The following METTL8 variants were observed in gnomAD, a reference collection of about 807,000 sequenced individuals.
METTL8 encodes methyltransferase 8, tRNA N3-cytidine.
In METTL8, 32 loss-of-function variants were observed where a neutral mutation model predicts 48.7. That is an observed-to-expected ratio of 0.66 (90% CI 0.50 to 0.88). The LOEUF (loss-of-function observed/expected upper bound fraction) is 0.88. Among genes scored for constraint, METTL8 ranks in the 40% least tolerant of loss-of-function variants. METTL8 has a pLI of 0.00. For missense variants in METTL8, 464 were observed against 474.4 expected, an observed-to-expected ratio of 0.98 and a Z score of 0.20; for synonymous variants, 136 against 157.1, an observed-to-expected ratio of 0.87 and a Z score of 1.01.
intron 1 of METTL8, among the ~76,000 whole-genome samples, chr2:171,401,945 C>A (rs966704558): frequency 9.9e-5 from 15 of 152,092 alleles, no homozygotes; most frequent in African/African-American, 3.6e-4. Flanking sequence ...ATTTCAGAGA[C>A]AAATCCATTT....
intron 3 of METTL8, among the ~76,000 whole-genome samples, chr2:171,350,194 T>C (rs1454426540): frequency 6.6e-6 from 1 of 152,198 alleles, no homozygotes; most frequent in Admixed American, 6.5e-5. Flanking sequence ...TTCCCACCTA[T>C]GAGTGAGAAT....
At chr2:171,393,431 CTTATACCCT>C (rs1688774985) in intron 1 of METTL8, among the ~76,000 whole-genome samples, 1 of 132,720 alleles carries the variant, frequency 7.5e-6, no homozygotes, top group African/African-American at 2.8e-5. Flanking sequence ...AAAAAGCATG[CTTATACCCT>C]AGCTCAAGAG....
chr2:171,434,303 C>G (rs1000628753), upstream of METTL8: 4 of 613,074 alleles, frequency 6.5e-6, no homozygotes, highest in Non-Finnish European at 1.2e-5. Context: ...CCGCGCGGTA[C>G]CGGAGCGTCG....
intron 1 of METTL8, among the ~76,000 whole-genome samples, chr2:171,407,932 CAT>C (rs1690354297): frequency 6.6e-6 from 1 of 152,224 alleles, no homozygotes; most frequent in Non-Finnish European, 1.5e-5. Context: ...TGGGAAGACA[CAT>C]AGCACACAAC....
In METTL8 at chr2:171,327,870, C is replaced by T. The variant is rs141882890; in HGVS notation, c.861-1722G>A. On this transcript the variant is annotated intron_variant, in intron 7 of 9. Transcript: ENST00000375258. ...ATTCACTTTCAATATAAATATTTTACGTACATAGCAAAATCTTTCTGTAAT... is the reference window on the plus strand; with the variant it reads ...ATTCACTTTCAATATAAATATTTTATGTACATAGCAAAATCTTTCTGTAAT... Among the ~76,000 whole-genome samples, 1,348 of 152,212 alleles carry T rather than the reference C, an allele frequency of 8.9e-3. 16 individuals are homozygous for T. Among genetic ancestry groups the T allele is most frequent in the East Asian group, 0.028 (147 of 5,194 alleles).
At chr2:171,434,299 G>A (rs1263667424), upstream of METTL8, 2 of 602,260 alleles carry the variant, frequency 3.3e-6, no homozygotes, top group East Asian at 7.4e-5. Context: ...CCGGCCGCGC[G>A]GTACCGGAGC....
intron 1 of METTL8, among the ~76,000 whole-genome samples, chr2:171,401,860 A>G (rs1277952459): frequency 6.6e-6 from 1 of 152,182 alleles, no homozygotes; most frequent in Non-Finnish European, 1.5e-5. Flanking sequence ...GCTAGGTGAA[A>G]AAAGTAAATC....
chr2:171,328,978 A>G (rs540274098), intron 7 of METTL8, among the ~76,000 whole-genome samples: 135 of 130,278 alleles, frequency 1.0e-3, no homozygotes, highest in Non-Finnish European at 1.8e-3. Flanking sequence ...CGTGAGCCAC[A>G]GCGCCCAGCC....
chr2:171,397,701 CA>C (rs894164384), intron 1 of METTL8, among the ~76,000 whole-genome samples: 1 of 151,808 alleles, frequency 6.6e-6, no homozygotes, highest in African/African-American at 2.4e-5. Context: ...ACATGTGTTT[CA>C]CAAAACACAA....
At position 171,321,437 on chromosome 2, in the gene METTL8, A is replaced by C. The variant is rs1213586204; in HGVS notation, c.*2735T>G. The C allele has an allele frequency of 6.6e-6, 1 of 152,172 alleles. No individual in the cohort carries two copies. Among genetic ancestry groups the C allele is most frequent in the Non-Finnish European group, 1.5e-5 (1 of 68,064 alleles). 9.4% of individuals were successfully genotyped at this position (152,172 alleles called of 1,614,324 possible). On this transcript the variant is annotated 3_prime_UTR_variant, in exon 10 of 10. Coordinates refer to ENST00000375258, the MANE Select transcript of METTL8 (RefSeq NM_001321154.2). ...TGGCTAATTTTTGTATTTTTGGTAG[A>C]GATAGGGTTTTTCCCATGTTGCCCA... is the stretch of plus-strand genomic sequence containing the variant.
intron 1 of METTL8, among the ~76,000 whole-genome samples, 180 bp from the exon 2 acceptor site, chr2:171,392,377 G>A (rs1688657824): frequency 6.6e-6 from 1 of 152,196 alleles, no homozygotes; most frequent in African/African-American, 2.4e-5. Flanking sequence ...CAAGAGATGG[G>A]AGAGAAATAT....
intron 1 of METTL8, among the ~76,000 whole-genome samples, chr2:171,406,951 C>A (rs1171504948): frequency 1.3e-5 from 2 of 151,868 alleles, no homozygotes; most frequent in Non-Finnish European, 2.9e-5. Context: ...CAAAAGTAAC[C>A]TAACTGATAG....
chr2:171,381,277 A>C (rs1687509022), intron 2 of METTL8, among the ~76,000 whole-genome samples: 1 of 152,274 alleles, frequency 6.6e-6, no homozygotes, highest in South Asian at 2.1e-4. Flanking sequence ...TAAGACTTAA[A>C]TGTAAAACCA....
intron 1 of METTL8, among the ~76,000 whole-genome samples, chr2:171,394,234 A>AG (rs775388421): frequency 1.1e-4 from 16 of 152,332 alleles, no homozygotes; most frequent in Non-Finnish European, 1.5e-4. Context: ...TGTATGCTGA[A>AG]GAGTAGAAAT....
intron 3 of METTL8, among the ~76,000 whole-genome samples, chr2:171,355,363 G>T (rs1684414483): frequency 6.6e-6 from 1 of 151,812 alleles, no homozygotes; most frequent in African/African-American, 2.4e-5. Context: ...TCCGTATGAG[G>T]TGTCAGTCAG....
At chr2:171,324,758 G>C (rs956070723) in intron 9 of METTL8, among the ~76,000 whole-genome samples, 1 of 152,144 alleles carries the variant, frequency 6.6e-6, no homozygotes, top group Non-Finnish European at 1.5e-5. Flanking sequence ...TGTTAGAAAT[G>C]CATTTTTAAA....
intron 3 of METTL8, among the ~76,000 whole-genome samples, chr2:171,347,072 G>A (rs930307622): frequency 6.6e-6 from 1 of 152,216 alleles, no homozygotes; most frequent in African/African-American, 2.4e-5. Context: ...GTGGTCCCCT[G>A]ACAGGTATAA....
chr2:171,325,377 C>T (rs1684845195), intron 9 of METTL8, among the ~76,000 whole-genome samples: 1 of 152,138 alleles, frequency 6.6e-6, no homozygotes. Flanking sequence ...TTTGTAGAGA[C>T]AGAGTCTCAT....
chr2:171,414,953 C>G (rs926956855), intron 1 of METTL8, among the ~76,000 whole-genome samples: 1 of 151,906 alleles, frequency 6.6e-6, no homozygotes, highest in Admixed American at 6.6e-5. Flanking sequence ...AAGGGGAAAC[C>G]CCTTTCACTT....
Sources: gnomAD v4.1 joint callset for allele counts (sites outside exome capture counted in the v4.1 genomes callset) on GRCh38, gnomAD v4.1.1 for gene constraint, MANE v1.5 for transcripts, NCBI Gene and HGNC (gene_info 2026-07-23, HGNC 2026-07-21) for gene names.